Variants in TUBGCP3 observed in about 807,000 individuals in gnomAD.
TUBGCP3 encodes the protein tubulin gamma complex component 3.
Under a neutral mutation model 123.1 loss-of-function variants are expected in TUBGCP3, and 50 were observed. That is an observed-to-expected ratio of 0.41 (90% CI 0.32 to 0.51). The LOEUF is 0.51. Ranked by LOEUF, TUBGCP3 falls within the 20% of genes least tolerant of loss-of-function variation. The pLI is 0.36. For missense variants in TUBGCP3, 882 were observed against 1,127.0 expected (o/e 0.78, Z 3.11); for synonymous variants, 405 against 413.9 (o/e 0.98, Z 0.26).
intron 1 of TUBGCP3, among the ~76,000 whole-genome samples, chr13:112,574,337 C>T (rs113443635): frequency 0.025 from 3,631 of 147,296 alleles, 68 homozygotes; most frequent in Middle Eastern, 0.062. Context: ...CTTCCCCCTG[C>T]CCAATCCACA....
rs751265721 is a variant in TUBGCP3, at chr13:112,547,612, C to T, written c.1168+8G>A. 18 of 1,509,098 alleles carry T rather than the reference C, an allele frequency of 1.2e-5. 1 individual carries two copies. In the Admixed American group the frequency reaches 1.8e-4, roughly 15 times the overall value. The allele number at this position is 1,509,098 out of a possible 1,614,324, so 93.5% of individuals were successfully genotyped here. On this transcript the variant is annotated splice_region_variant and intron_variant, in intron 10 of 21. Transcript: ENST00000261965. ...GAAAGACGTGCGTGGGAAAGACGCG[C>T]GTGGGACCTTGGCAGTGGTCCACTA...
intron 13 of TUBGCP3, among the ~76,000 whole-genome samples, chr13:112,522,970 T>A (rs1221857762): frequency 6.6e-6 from 1 of 152,152 alleles, no homozygotes; most frequent in Non-Finnish European, 1.5e-5. Flanking sequence ...CTACGGAGAT[T>A]GGTGGAGATG....
At chr13:112,593,828 A>G in the TUBGCP3 span, among the ~76,000 whole-genome samples, 2 of 152,240 alleles carry the variant, frequency 1.3e-5, no homozygotes, top group East Asian at 3.8e-4. Context: ...AGAAAAAAAC[A>G]GAAATATGCC....
chr13:112,553,977 A>G, intron 8 of TUBGCP3, 80 bp downstream of exon 8: 5 of 1,552,372 alleles, frequency 3.2e-6, no homozygotes, highest in Non-Finnish European at 4.3e-6. Flanking sequence ...AGAAGGAGCT[A>G]TTTCACAGTA....
chr13:112,516,383 T>C, intron 17 of TUBGCP3, 57 bp downstream of exon 17: 1 of 1,469,552 alleles, frequency 6.8e-7, no homozygotes, highest in Non-Finnish European at 9.1e-7. Context: ...CCGCACCCAG[T>C]GGGGGCTGGA....
chr13:112,560,205 C>A (rs1044497212), intron 3 of TUBGCP3, among the ~76,000 whole-genome samples: 1 of 150,032 alleles, frequency 6.7e-6, no homozygotes, highest in African/African-American at 2.5e-5. Flanking sequence ...CCGAGGCGGG[C>A]GGATCACGAG....
intron 11 of TUBGCP3, among the ~76,000 whole-genome samples, chr13:112,542,782 T>C (rs574333238): frequency 1.3e-5 from 2 of 152,282 alleles, no homozygotes; most frequent in East Asian, 3.9e-4. Context: ...ACTTCGATAG[T>C]GACTTAATAC....
intron 5 of TUBGCP3, 28 bp from the exon 6 acceptor site, chr13:112,556,252 T>C: frequency 1.3e-6 from 2 of 1,599,334 alleles, no homozygotes; most frequent in Non-Finnish European, 1.7e-6. Context: ...TATTATCTTC[T>C]AATAGGCTAT....
At chr13:112,602,036 C>T in the TUBGCP3 span, among the ~76,000 whole-genome samples, 1 of 152,200 alleles carries the variant, frequency 6.6e-6, no homozygotes, top group Non-Finnish European at 1.5e-5. Flanking sequence ...GTCTTGTTCT[C>T]CCCATTTTTT....
intron 11 of TUBGCP3, among the ~76,000 whole-genome samples, chr13:112,533,796 T>C (rs1402052513): frequency 2.1e-5 from 3 of 142,944 alleles, no homozygotes; most frequent in African/African-American, 8.5e-5. Context: ...TCTAAGAGAA[T>C]TTCTTTTTTT....
chr13:112,561,292 C>T (rs1256669951), intron 3 of TUBGCP3, among the ~76,000 whole-genome samples: 2 of 152,202 alleles, frequency 1.3e-5, no homozygotes, highest in Non-Finnish European at 2.9e-5. Context: ...GAGGCTCAGG[C>T]ACTCAGGCCC....
At position 112,554,081 on chromosome 13, in the gene TUBGCP3, G is replaced by A; in HGVS notation, c.942C>T (p.Asp314=). ...CCTGCCCGACGAGTCCGAATGAGCGGTCCAGGCTCCTCTGGTCCGTGTATC... is the reference window on the plus strand; with the variant it reads ...CCTGCCCGACGAGTCCGAATGAGCGATCCAGGCTCCTCTGGTCCGTGTATC... ...IRRYTDQRSL[D]RSFGLVGQSF... is the part of the protein sequence containing the mutation. Residue 314 remains aspartate, a synonymous_variant, in exon 8 of 22, where the codon GAC becomes GAT. Transcript: ENST00000261965. 1.2e-6 allele frequency: 2 copies of A among 1,614,078 alleles called. No homozygotes were observed. The highest frequency in any genetic ancestry group is 1.7e-6 in the Non-Finnish European group (2 of 1,180,016).
At chr13:112,486,225 T>C in intron 21 of TUBGCP3, 74 bp from the exon 22 acceptor site, 1 of 1,556,080 alleles carries the variant, frequency 6.4e-7, no homozygotes, top group Non-Finnish European at 8.7e-7. Context: ...CGGACCTTAA[T>C]CTCCTTTGGG....
rs190785002 is a variant in TUBGCP3 at position 112,522,593 on chromosome 13, C to T, written c.1556-84G>A. ...AGAAATGAAGGCACATACATCCAGA[C>T]TCAGGGCCAACCACTGCCTGTGGCA... On this transcript the variant is annotated intron_variant, in intron 13 of 21. Coordinates refer to ENST00000261965, the MANE Select transcript of TUBGCP3 (RefSeq NM_006322.6). 12 of 1,382,720 alleles carry T rather than the reference C, an allele frequency of 8.7e-6. No individual in the cohort carries two copies. The African/African-American group carries it at 1.6e-4, about 18-fold the overall frequency. The allele number at this position is 1,382,720 out of a possible 1,614,324, so 85.7% of individuals were successfully genotyped here.
chr13:112,507,645 T>C (rs1171846117), intron 17 of TUBGCP3, among the ~76,000 whole-genome samples: 1 of 152,192 alleles, frequency 6.6e-6, no homozygotes, highest in Non-Finnish European at 1.5e-5. Context: ...TGTGCTGCTC[T>C]GCTCCGCCTG....
chr13:112,599,292 G>A, the TUBGCP3 span, among the ~76,000 whole-genome samples: 1 of 152,146 alleles, frequency 6.6e-6, no homozygotes, highest in Non-Finnish European at 1.5e-5. Context: ...TTGGAAACAA[G>A]TCATTACGCA....
chr13:112,507,733 T>C (rs892565414), intron 17 of TUBGCP3, among the ~76,000 whole-genome samples: 5 of 152,202 alleles, frequency 3.3e-5, no homozygotes, highest in Non-Finnish European at 5.9e-5. Flanking sequence ...CGATTTTTCA[T>C]GGCACGAATA....
intron 3 of TUBGCP3, among the ~76,000 whole-genome samples, chr13:112,560,132 CA>C (rs778347153): frequency 2.5e-3 from 219 of 87,648 alleles, no homozygotes; most frequent in South Asian, 4.9e-3. Context: ...GACTCCGTCT[CA>C]AAAAAAAAAA....
chr13:112,504,553 T>C (rs1333133134), intron 18 of TUBGCP3, 73 bp downstream of exon 18: 14 of 988,960 alleles, frequency 1.4e-5, no homozygotes, highest in South Asian at 1.1e-4. Flanking sequence ...TACACATATA[T>C]ATATATATAT....
Sources: gnomAD v4.1 joint callset for allele counts (sites outside exome capture counted in the v4.1 genomes callset) on GRCh38, gnomAD v4.1.1 for gene constraint, MANE v1.5 for transcripts, NCBI Gene and HGNC (gene_info 2026-07-23, HGNC 2026-07-21) for gene names.